LDAF1: variants seen among roughly 807,000 people sequenced by gnomAD.
LDAF1 encodes PROMETHIN.
In LDAF1, 7 loss-of-function variants were observed where a neutral mutation model predicts 13.5. That is an observed-to-expected ratio of 0.52 (90% CI 0.29 to 0.97). The LOEUF is 0.97. LDAF1 is among the 50% of genes least tolerant of loss of function. The pLI is 0.07. For synonymous variants in LDAF1, 69 were observed against 77.1 expected (o/e 0.89, Z 0.55); for missense variants, 148 against 193.2 (o/e 0.77, Z 1.39).
At chr16:21,166,609 G>A (rs537680005) in intron 2 of LDAF1, among the ~76,000 whole-genome samples, 34 of 152,272 alleles carry the variant, frequency 2.2e-4, no homozygotes, top group South Asian at 1.9e-3. Context: ...CCCTTCCCTC[G>A]CTGGCGCAGC....
At chr16:21,177,904 C>T (rs1216189268) in intron 4 of LDAF1, among the ~76,000 whole-genome samples, 2 of 152,008 alleles carry the variant, frequency 1.3e-5, no homozygotes, top group Non-Finnish European at 2.9e-5. Flanking sequence ...AGGTGTAAGC[C>T]ACTGTACCCA....
chr16:21,168,826 TTTAA>T (rs1280473133), intron 2 of LDAF1, among the ~76,000 whole-genome samples: 1 of 132,310 alleles, frequency 7.6e-6, no homozygotes, highest in Non-Finnish European at 1.5e-5. Context: ...TTAAATATAA[TTTAA>T]TTTTATATAA....
intron 2 of LDAF1, among the ~76,000 whole-genome samples, chr16:21,169,928 T>G (rs1246944759): frequency 6.6e-6 from 1 of 151,716 alleles, no homozygotes; most frequent in Non-Finnish European, 1.5e-5. Context: ...TTTTTTTTTT[T>G]TTGAGACGGA....
At chr16:21,170,238 G>A in intron 2 of LDAF1, 199 bp from the exon 3 acceptor site, 1 of 919,068 alleles carries the variant, frequency 1.1e-6, no homozygotes, top group Non-Finnish European at 1.3e-6. Context: ...CCCAACCTCA[G>A]GTGATCCGCT....
rs1274654686 is a variant in LDAF1 at position 21,169,491 on chromosome 16, TA to T, written c.97-945del. On this transcript the variant is annotated intron_variant, in intron 2 of 4. Transcript: ENST00000233047. ...GCCAAGCTAGTTTTTAAATTTTTTG[TA>T]GAGATGGAATCTTGCTGTGTTGTCC... Among the ~76,000 whole-genome samples the T allele has an allele frequency of 7.9e-5, 12 of 152,202 alleles. No homozygotes were observed. In the East Asian group the frequency reaches 2.3e-3, roughly 29 times the overall value.
chr16:21,168,842 TATAA>T (rs1240805994), intron 2 of LDAF1, among the ~76,000 whole-genome samples: 7 of 133,366 alleles, frequency 5.2e-5, no homozygotes, highest in South Asian at 2.2e-4. Flanking sequence ...TTTATATAAT[TATAA>T]ATATTTTTAT....
chr16:21,169,167 T>C (rs2093061862), intron 2 of LDAF1: 1 of 984,726 alleles, frequency 1.0e-6, no homozygotes, highest in South Asian at 4.7e-5. Flanking sequence ...TGCTGAGATT[T>C]TGCAACTTGG....
At chr16:21,170,332 T>G in intron 2 of LDAF1, 105 bp from the exon 3 acceptor site, 1 of 1,563,626 alleles carries the variant, frequency 6.4e-7, no homozygotes, top group Non-Finnish European at 8.7e-7. Context: ...ATAAGCCTTC[T>G]GGCTTTACGA....
In LDAF1 at chr16:21,179,615, G is replaced by A. The variant is rs1183089698; in HGVS notation, c.*59G>A. The A allele has an allele frequency of 1.0e-5, 15 of 1,484,900 alleles. No individual in the cohort carries two copies. Among genetic ancestry groups the A allele is most frequent in the Non-Finnish European group, 1.3e-5 (14 of 1,076,648 alleles). 92.0% of individuals were successfully genotyped at this position (1,484,900 alleles called of 1,614,324 possible). ...ACTGCTGGATCATACTCACCCCTTG[G>A]GATTATGGCTTAGAAGAAGGGGGCT... On this transcript the variant is annotated 3_prime_UTR_variant, in exon 5 of 5. Transcript: ENST00000233047.
chr16:21,175,021 G>A (rs1223694905), intron 4 of LDAF1, among the ~76,000 whole-genome samples: 1 of 152,186 alleles, frequency 6.6e-6, no homozygotes, highest in African/African-American at 2.4e-5. Flanking sequence ...TGAAAGAACA[G>A]CGATCTACTT....
intron 4 of LDAF1, chr16:21,178,486 C>T (rs1435164968): frequency 1.4e-6 from 1 of 735,826 alleles, no homozygotes; most frequent in Non-Finnish European, 1.7e-6. Context: ...TTTTTTATTG[C>T]TTAATGAAAA....
At chr16:21,178,072 A>G (rs182266889) in intron 4 of LDAF1, 402 of 441,530 alleles carry the variant, frequency 9.1e-4, no homozygotes, top group Admixed American at 3.1e-3. Flanking sequence ...TTAAATTTTT[A>G]AAAAAGAAAA....
intron 2 of LDAF1, among the ~76,000 whole-genome samples, chr16:21,169,810 C>T (rs992195730): frequency 1.3e-5 from 2 of 152,058 alleles, no homozygotes; most frequent in Non-Finnish European, 2.9e-5. Flanking sequence ...CCTCCTTTCA[C>T]AAGGCTTGAC....
chr16:21,167,059 G>T lies in LDAF1; in HGVS notation c.97-3378G>T, dbSNP rs2093031148. ...CCTGGCAGGGAGTGAAATTGGCCAT[G>T]CCTCGAGAGTAATCCTTAGGAGACC... On this transcript the variant is annotated intron_variant, in intron 2 of 4. Coordinates refer to ENST00000233047, the MANE Select transcript of LDAF1 (RefSeq NM_001301771.2). The T allele has an allele frequency of 4.2e-6, 3 of 709,362 alleles. No homozygotes were observed. The South Asian group carries it at 5.3e-5, about 12-fold the overall frequency. 43.9% of individuals were successfully genotyped at this position (709,362 alleles called of 1,614,324 possible).
intron 4 of LDAF1, among the ~76,000 whole-genome samples, chr16:21,176,288 G>A (rs534225531): frequency 3.9e-5 from 6 of 152,200 alleles, no homozygotes; most frequent in South Asian, 2.1e-4. Flanking sequence ...TTGTTTCCAC[G>A]TGGGCAGAGG....
chr16:21,159,871 G>A (rs987139699), intron 1 of LDAF1: 1 of 975,580 alleles, frequency 1.0e-6, no homozygotes, highest in African/African-American at 1.8e-5. Context: ...CTGCAGAGAT[G>A]AGATTATGGG....
At chr16:21,159,267 C>G in intron 1 of LDAF1, 2 of 1,430,114 alleles carry the variant, frequency 1.4e-6, no homozygotes, top group South Asian at 1.1e-5. Context: ...ACTCGACTCC[C>G]CTCTGAGTTC....
chr16:21,168,662 ATAAT>A (rs2093050861), intron 2 of LDAF1, among the ~76,000 whole-genome samples: 1 of 139,778 alleles, frequency 7.2e-6, no homozygotes. Context: ...ATACAATATT[ATAAT>A]TATGATTTTT....
chr16:21,163,270 CACCTTGCTTG>C (rs2092993496), intron 2 of LDAF1, among the ~76,000 whole-genome samples: 1 of 152,182 alleles, frequency 6.6e-6, no homozygotes, highest in Non-Finnish European at 1.5e-5. Context: ...GGCTCGGTGT[CACCTTGCTTG>C]ACCTCAGCTG....
Sources: gnomAD v4.1 joint callset for allele counts (sites outside exome capture counted in the v4.1 genomes callset) on GRCh38, gnomAD v4.1.1 for gene constraint, MANE v1.5 for transcripts, NCBI Gene and HGNC (gene_info 2026-07-23, HGNC 2026-07-21) for gene names.